Variants in PLCB1 observed in about 807,000 individuals in gnomAD.
PLCB1 encodes the protein 1-phosphatidylinositol 4,5-bisphosphate phosphodiesterase beta-1.
A neutral mutation model predicts 161.8 loss-of-function variants in PLCB1; 46 were observed. The observed-to-expected ratio is 0.28, with a 90% confidence interval of 0.22 to 0.36. PLCB1 has a LOEUF of 0.36. Among genes scored for constraint, PLCB1 ranks in the 10% least tolerant of loss-of-function variants. PLCB1 has a pLI of 1.00. For synonymous variants in PLCB1, 517 were observed against 503.7 expected (o/e 1.03, Z -0.35); for missense variants, 1,016 against 1,472.5 (o/e 0.69, Z 5.07).
intron 3 of PLCB1, among the ~76,000 whole-genome samples, chr20:8,613,457 A>G (rs868779625): frequency 1.1e-4 from 16 of 152,336 alleles, no homozygotes; most frequent in Middle Eastern, 6.8e-3. Context: ...ATTTGAACTT[A>G]CAAGGTACAA....
chr20:8,163,678 A>C (rs953737057), intron 2 of PLCB1, among the ~76,000 whole-genome samples: 1 of 152,198 alleles, frequency 6.6e-6, no homozygotes, highest in Non-Finnish European at 1.5e-5. Flanking sequence ...GAAGGCATGG[A>C]AATGCCGGCC....
chr20:8,448,543 A>G (rs1173379378), intron 3 of PLCB1, among the ~76,000 whole-genome samples: 6 of 152,228 alleles, frequency 3.9e-5, no homozygotes, highest in Non-Finnish European at 8.8e-5. Flanking sequence ...TAGTGTGCCC[A>G]AGATTGTGAA....
At chr20:8,379,563 C>T (rs1031260636) in intron 3 of PLCB1, among the ~76,000 whole-genome samples, 1 of 152,162 alleles carries the variant, frequency 6.6e-6, no homozygotes, top group Non-Finnish European at 1.5e-5. Flanking sequence ...TTTACATTCC[C>T]ACCAACAGTA....
At chr20:8,811,205 A>G (rs980753201) in intron 31 of PLCB1, among the ~76,000 whole-genome samples, 1 of 152,160 alleles carries the variant, frequency 6.6e-6, no homozygotes, top group Non-Finnish European at 1.5e-5. Context: ...TTAATGAGGA[A>G]TCAGCCAAAA....
chr20:8,429,162 T>C (rs1010582231), intron 3 of PLCB1, among the ~76,000 whole-genome samples: 4 of 152,280 alleles, frequency 2.6e-5, no homozygotes, highest in African/African-American at 4.8e-5. Context: ...AACTACACCT[T>C]CCTGCCAGTC....
chr20:8,880,668 C>T (rs1987938412), intron 31 of PLCB1, among the ~76,000 whole-genome samples: 1 of 152,160 alleles, frequency 6.6e-6, no homozygotes, highest in Admixed American at 6.5e-5. Flanking sequence ...ATCTCAAAGT[C>T]CACTCCACAC....
chr20:8,219,638 T>G (rs887089441), intron 2 of PLCB1, among the ~76,000 whole-genome samples: 4 of 152,172 alleles, frequency 2.6e-5, no homozygotes, highest in Non-Finnish European at 5.9e-5. Context: ...GTCTTTCTGA[T>G]AGAGAGTAGT....
At chr20:8,594,536 C>G (rs1987261189) in intron 3 of PLCB1, among the ~76,000 whole-genome samples, 1 of 151,458 alleles carries the variant, frequency 6.6e-6, no homozygotes, top group South Asian at 2.1e-4. Context: ...TGCTTCTGGT[C>G]CACAAACCAC....
chr20:8,533,104 A>C (rs1321359279), intron 3 of PLCB1, among the ~76,000 whole-genome samples: 2 of 151,134 alleles, frequency 1.3e-5, no homozygotes, highest in African/African-American at 4.9e-5. Flanking sequence ...ATGAGTGAGA[A>C]CATGCGGTGT....
chr20:8,139,785 A>G (rs1445939504), intron 1 of PLCB1, among the ~76,000 whole-genome samples: 1 of 152,188 alleles, frequency 6.6e-6, no homozygotes, highest in African/African-American at 2.4e-5. Flanking sequence ...ATATGGTTGA[A>G]TCTCACATAG....
At chr20:8,607,503 G>A (rs113746060) in intron 3 of PLCB1, among the ~76,000 whole-genome samples, 29 of 152,196 alleles carry the variant, frequency 1.9e-4, no homozygotes, top group African/African-American at 6.3e-4. Context: ...AGCCTCTCTG[G>A]ACTCTGTGTT....
In PLCB1 at chr20:8,722,460, C is replaced by A. The variant is rs750806380; in HGVS notation, c.1581+39C>A. ...GCTTCTGGTCCCTAAGGCATTCCAC[C>A]ACCCTGTACTCTCCTGGGTCTGTCT... On this transcript the variant is annotated intron_variant, in intron 15 of 31. Coordinates refer to ENST00000338037, the MANE Select transcript of PLCB1 (RefSeq NM_015192.4). 2.1e-6 allele frequency: 3 copies of A among 1,445,154 alleles called. No individual in the cohort carries two copies. In the Admixed American group the frequency reaches 6.0e-5, roughly 29 times the overall value. The allele number at this position is 1,445,154 out of a possible 1,614,324, so 89.5% of individuals were successfully genotyped here.
intron 2 of PLCB1, among the ~76,000 whole-genome samples, chr20:8,301,927 G>T (rs1983928396): frequency 6.6e-6 from 1 of 152,188 alleles, no homozygotes; most frequent in African/African-American, 2.4e-5. Context: ...TTCACCATTT[G>T]CTGGTTCTGT....
intron 9 of PLCB1, among the ~76,000 whole-genome samples, chr20:8,679,455 A>G (rs773266754): frequency 6.6e-6 from 1 of 152,208 alleles, no homozygotes; most frequent in South Asian, 2.1e-4. Flanking sequence ...AGAGTAGCCC[A>G]TAGCCCAGTA....
At position 8,408,297 on chromosome 20, in the gene PLCB1, C is replaced by T. The variant is rs114133287; in HGVS notation, c.246+36847C>T. Among the ~76,000 whole-genome samples the T allele has an allele frequency of 9.2e-3, 1,397 of 151,992 alleles. 20 individuals are homozygous for T. Among genetic ancestry groups the T allele is most frequent in the African/African-American group, 0.031 (1,274 of 41,420 alleles). ...GCATGGTGGTGTGAACCTATAGTCC[C>T]AGCTAATCATGAAGCTGAGGTGGGA... On this transcript the variant is annotated intron_variant, in intron 3 of 31. Coordinates refer to ENST00000338037, the MANE Select transcript of PLCB1 (RefSeq NM_015192.4).
chr20:8,820,888 A>G (rs949246123), intron 31 of PLCB1, among the ~76,000 whole-genome samples: 9 of 152,228 alleles, frequency 5.9e-5, no homozygotes, highest in Non-Finnish European at 1.3e-4. Context: ...GAAAATATAT[A>G]CAGTATGATT....
At chr20:8,737,598 T>TA (rs1197387562) in intron 20 of PLCB1, among the ~76,000 whole-genome samples, 14 of 152,226 alleles carry the variant, frequency 9.2e-5, no homozygotes, top group Admixed American at 3.3e-4. Context: ...CCAAAATCTC[T>TA]AGCCTCTGAG....
intron 3 of PLCB1, among the ~76,000 whole-genome samples, chr20:8,381,914 T>C (rs1987265198): frequency 6.6e-6 from 1 of 152,234 alleles, no homozygotes; most frequent in African/African-American, 2.4e-5. Flanking sequence ...CCTGGATTCA[T>C]TGATTTTTTT....
At chr20:8,231,768 G>A (rs1357597255) in intron 2 of PLCB1, among the ~76,000 whole-genome samples, 1 of 152,072 alleles carries the variant, frequency 6.6e-6, no homozygotes, top group Non-Finnish European at 1.5e-5. Context: ...TGTCTCCCGT[G>A]GCCAGTTGGT....
Sources: gnomAD v4.1 joint callset for allele counts (sites outside exome capture counted in the v4.1 genomes callset) on GRCh38, gnomAD v4.1.1 for gene constraint, MANE v1.5 for transcripts, NCBI Gene and HGNC (gene_info 2026-07-23, HGNC 2026-07-21) for gene names.